The following PEX3 variants were observed in gnomAD, a reference collection of about 807,000 sequenced individuals.
PEX3 encodes the protein peroxin-3.
A neutral mutation model predicts 55.8 loss-of-function variants in PEX3; 30 were observed. The ratio of observed to expected loss-of-function variants is 0.54; its 90% CI spans 0.40 to 0.73. PEX3 has a LOEUF of 0.73. Ranked by LOEUF, PEX3 falls within the 30% of genes least tolerant of loss-of-function variation. The pLI, the probability that PEX3 is intolerant of heterozygous loss-of-function variation, is 0.00. For synonymous variants in PEX3, 135 were observed against 148.4 expected, an observed-to-expected ratio of 0.91 and a Z score of 0.66; for missense variants, 351 against 432.8, an observed-to-expected ratio of 0.81 and a Z score of 1.68.
Position 143,483,515 on chromosome 6 carries a change from T to G in PEX3, c.942-1637T>G, listed in dbSNP as rs1199791440. On this transcript the variant is annotated intron_variant, in intron 10 of 11. Coordinates refer to ENST00000367591, the MANE Select transcript of PEX3 (RefSeq NM_003630.3). The surrounding 1 kb of genome is among the most constrained non-coding windows in gnomAD (Gnocchi z 4.3). ...AAGCCACCTAAGTACATTTTAAGAC[T>G]TATAAAGAGGCTGGCATGGTAGCTG... is the stretch of plus-strand genomic sequence containing the variant. Among the ~76,000 whole-genome samples, 1 of 152,058 alleles carries G rather than the reference T, an allele frequency of 6.6e-6. No individual in the cohort carries two copies. Among genetic ancestry groups the G allele is most frequent in the Non-Finnish European group, 1.5e-5 (1 of 67,992 alleles).
chr6:143,472,747 T>A lies in PEX3; in HGVS notation c.747+419T>A, dbSNP rs928186922. On this transcript the variant is annotated intron_variant, in intron 8 of 11. Coordinates refer to ENST00000367591, the MANE Select transcript of PEX3 (RefSeq NM_003630.3). ...GCTTTATATGCCAAGATAACGAGTC[T>A]GAACTCCAATTTGTAGACAAAGAAA... Among the ~76,000 whole-genome samples, 5 of 152,200 alleles carry A rather than the reference T, an allele frequency of 3.3e-5. No individual in the cohort carries two copies. In the East Asian group the frequency reaches 7.7e-4, roughly 23 times the overall value.
In PEX3 at chr6:143,483,369, A is replaced by C. The variant is rs900405138; in HGVS notation, c.942-1783A>C. ...TAGAAAAATTTAAACAAAAGTAGAC[A>C]GTCAAGCAGTTTTCCTGAGGAAATA... On this transcript the variant is annotated intron_variant, in intron 10 of 11. Coordinates refer to ENST00000367591, the MANE Select transcript of PEX3 (RefSeq NM_003630.3). This position sits in a 1 kb window ranked among gnomAD's most constrained non-coding sequence, Gnocchi z 4.3. Among the ~76,000 whole-genome samples the C allele has an allele frequency of 6.6e-6, 1 of 152,212 alleles. No homozygotes were observed.
chr6:143,472,593 A>T (rs1214234323), intron 8 of PEX3, among the ~76,000 whole-genome samples: 1 of 152,186 alleles, frequency 6.6e-6, no homozygotes, highest in Non-Finnish European at 1.5e-5. Context: ...GGAGATGTAA[A>T]ATGTGTAAGA....
rs965515987 is a variant in PEX3, at chr6:143,479,031, C to T, written c.819-45C>T. On this transcript the variant is annotated intron_variant, in intron 9 of 11. Coordinates refer to ENST00000367591, the MANE Select transcript of PEX3 (RefSeq NM_003630.3). The surrounding 1 kb of genome is among the most constrained non-coding windows in gnomAD (Gnocchi z 4.6). ...GTTATTACTGAATTTGTTTTCTCTT[C>T]CATTCAGAGTCTAAAAAGTAACTTA... 5 of 1,262,872 alleles carry T rather than the reference C, an allele frequency of 4.0e-6. No individual in the cohort carries two copies. The Admixed American group carries it at 5.1e-5, about 13-fold the overall frequency. 78.2% of individuals were successfully genotyped at this position (1,262,872 alleles called of 1,614,324 possible). A position where few individuals can be genotyped will look rare whatever the true frequency, so the allele number is the denominator to read the frequency against.
In PEX3 at chr6:143,459,712, A is replaced by C. The variant is rs1779893718; in HGVS notation, c.205+496A>C. 1.3e-5 allele frequency among the ~76,000 whole-genome samples: 2 copies of C among 152,222 alleles called. No individual in the cohort carries two copies. Among genetic ancestry groups the C allele is most frequent in the Non-Finnish European group, 2.9e-5 (2 of 68,042 alleles). On this transcript the variant is annotated intron_variant, in intron 2 of 11. Coordinates refer to ENST00000367591, the MANE Select transcript of PEX3 (RefSeq NM_003630.3). The surrounding 1 kb of genome is among the most constrained non-coding windows in gnomAD (Gnocchi z 4.2). ...GGAACAAGCTTGGTACTCTCAGGAC[A>C]CAGCAAAAAGGCCATGTAGCTAGAG...
Position 143,453,691 on chromosome 6 carries a change from C to T in PEX3, c.73+2576C>T, listed in dbSNP as rs114035919. On this transcript the variant is annotated intron_variant, in intron 1 of 11. Transcript: ENST00000367591. The surrounding 1 kb of genome is among the most constrained non-coding windows in gnomAD (Gnocchi z 4.6). The stretch of plus-strand genomic sequence containing the variant: ...TTCCTCACTCATGCGATCCTCTCAC[C>T]TCAGCCTCCCAAGTAGCTAGGACCA... Among the ~76,000 whole-genome samples, 1,338 of 152,244 alleles carry T rather than the reference C, an allele frequency of 8.8e-3. 12 individuals carry two copies. The highest frequency in any genetic ancestry group is 0.03 in the African/African-American group (1,240 of 41,532).
chr6:143,471,011 C>G lies in PEX3; in HGVS notation c.382C>G (p.Leu128Val), dbSNP rs1228904839. 6.2e-7 allele frequency: 1 copy of G among 1,612,886 alleles called. No homozygotes were observed. The highest frequency in any genetic ancestry group is 8.5e-7 in the Non-Finnish European group (1 of 1,179,080). The change falls in exon 5 of 12, where the codon CTT becomes GTT. Residue 128 changes from leucine (L) to valine (V), a missense_variant. By Grantham distance (32) the Leu-to-Val change is conservative. Transcript: ENST00000367591. The surrounding 1 kb of genome is among the most constrained non-coding windows in gnomAD (Gnocchi z 5.4). ...AVYSTCMLVVLLRVQLNIIGG... is the reference protein window; with the variant it reads ...AVYSTCMLVVVLRVQLNIIGG... ...ATACAGTACCTGTATGCTGGTTGTT[C>G]TTTTGCGGGTCCAGTTAAACATAAT...
chr6:143,464,473 G>A lies in PEX3; in HGVS notation c.287+1476G>A, dbSNP rs1008463457. On this transcript the variant is annotated intron_variant, in intron 3 of 11. Coordinates refer to ENST00000367591, the MANE Select transcript of PEX3 (RefSeq NM_003630.3). The surrounding 1 kb of genome is among the most constrained non-coding windows in gnomAD (Gnocchi z 5.8). ...TTTAGTGCAATGACAAAAAGTAAAA[G>A]GAAAATTTAGGAGTATCAAAAAAAC... Among the ~76,000 whole-genome samples the A allele has an allele frequency of 6.6e-6, 1 of 151,846 alleles. No individual in the cohort carries two copies. The highest frequency in any genetic ancestry group is 1.5e-5 in the Non-Finnish European group (1 of 67,842).
In PEX3 at chr6:143,459,795, C is replaced by T. The variant is rs965097162; in HGVS notation, c.205+579C>T. 4.6e-5 allele frequency among the ~76,000 whole-genome samples: 7 copies of T among 152,170 alleles called. No individual in the cohort carries two copies. Among genetic ancestry groups the T allele is most frequent in the Non-Finnish European group, 8.8e-5 (6 of 68,030 alleles). On this transcript the variant is annotated intron_variant, in intron 2 of 11. Coordinates refer to ENST00000367591, the MANE Select transcript of PEX3 (RefSeq NM_003630.3). This position sits in a 1 kb window ranked among gnomAD's most constrained non-coding sequence, Gnocchi z 4.2. ...GCTGCAGAAGTAGGCTTGATCCCAT[C>T]GGGCCTGTGGGCCATAGGAAAGAGT...
rs1006559275 is a variant in PEX3 at position 143,483,094 on chromosome 6, G to C, written c.942-2058G>C. Among the ~76,000 whole-genome samples, 6 of 151,970 alleles carry C rather than the reference G, an allele frequency of 3.9e-5. No homozygotes were observed. Among genetic ancestry groups the C allele is most frequent in the Admixed American group, 2.6e-4 (4 of 15,246 alleles). ...TACAGAACTTTTGCACATCAGTTAAGGAAGCAAACACCTAAGGAAAGAAAA... is the reference window on the plus strand; with the variant it reads ...TACAGAACTTTTGCACATCAGTTAACGAAGCAAACACCTAAGGAAAGAAAA... On this transcript the variant is annotated intron_variant, in intron 10 of 11. Coordinates refer to ENST00000367591, the MANE Select transcript of PEX3 (RefSeq NM_003630.3). The surrounding 1 kb of genome is among the most constrained non-coding windows in gnomAD (Gnocchi z 4.3).
At position 143,471,779 on chromosome 6, in the gene PEX3, ATC is replaced by A. The variant is rs1250628465; in HGVS notation, c.578+170_578+171del. On this transcript the variant is annotated intron_variant, in intron 7 of 11. Transcript: ENST00000367591. The surrounding 1 kb of genome is among the most constrained non-coding windows in gnomAD (Gnocchi z 5.4). The stretch of plus-strand genomic sequence containing the variant: ...TTGCATTGTGGGATCCATTTTCTTT[ATC>A]TTTTTTTTTATACAGAGGGGAAAGT... Among the ~76,000 whole-genome samples, 3 of 143,832 alleles carry A rather than the reference ATC, an allele frequency of 2.1e-5. No individual in the cohort carries two copies. The highest frequency in any genetic ancestry group is 3.1e-5 in the Non-Finnish European group (2 of 64,382). 94.4% of individuals were successfully genotyped at this position (143,832 alleles called of 152,430 possible).
chr6:143,456,234 G>A (rs1463666351), intron 1 of PEX3, among the ~76,000 whole-genome samples: 1 of 152,160 alleles, frequency 6.6e-6, no homozygotes, highest in African/African-American at 2.4e-5. Flanking sequence ...CTTGATACCA[G>A]AGCCGTCAAT....
At position 143,488,795 on chromosome 6, in the gene PEX3, G is replaced by T. The variant is rs144458597; in HGVS notation, c.1039-348G>T. On this transcript the variant is annotated intron_variant, in intron 11 of 11. Transcript: ENST00000367591. The surrounding 1 kb of genome is among the most constrained non-coding windows in gnomAD (Gnocchi z 4.9). ...TCTAGAAAGTAATACACCCTTAACC[G>T]TGTTATGTCAGCTTCCAGCAAAAGT... Among the ~76,000 whole-genome samples, 2 of 151,940 alleles carry T rather than the reference G, an allele frequency of 1.3e-5. No homozygotes were observed. Among genetic ancestry groups the T allele is most frequent in the African/African-American group, 2.4e-5 (1 of 41,390 alleles).
chr6:143,486,798 C>T lies in PEX3; in HGVS notation c.1038+1550C>T, dbSNP rs963424334. Among the ~76,000 whole-genome samples the T allele has an allele frequency of 2.0e-5, 3 of 152,134 alleles. No individual in the cohort carries two copies. On this transcript the variant is annotated intron_variant, in intron 11 of 11. Transcript: ENST00000367591. The surrounding 1 kb of genome is among the most constrained non-coding windows in gnomAD (Gnocchi z 5.0). ...AGCCTATGGTGGGAATGCTGTAGAA[C>T]AGGGGTTTGGCAAACTGTACAGGGC...
rs1219955837 is a variant in PEX3 at position 143,456,272 on chromosome 6, A to G, written c.74-2813A>G. Among the ~76,000 whole-genome samples, 5 of 152,322 alleles carry G rather than the reference A, an allele frequency of 3.3e-5. No homozygotes were observed. In the East Asian group the frequency reaches 5.8e-4, roughly 18 times the overall value. ...CTCCTGTTTTCCAGGCTAGGCTGCC[A>G]GTCGAGTATATAGATAGTCATGAGC... On this transcript the variant is annotated intron_variant, in intron 1 of 11. Coordinates refer to ENST00000367591, the MANE Select transcript of PEX3 (RefSeq NM_003630.3).
chr6:143,450,845 G>T lies in PEX3; in HGVS notation c.-198G>T. On this transcript the variant is annotated 5_prime_UTR_variant, in exon 1 of 12. Coordinates refer to ENST00000367591, the MANE Select transcript of PEX3 (RefSeq NM_003630.3). ...CTGCGCGGCGGCAGCGGCAGAAAGC[G>T]TAGCTGCTTTGCTGTAGTCCACGCC... 3 of 756,586 alleles carry T rather than the reference G, an allele frequency of 4.0e-6. No homozygotes were observed. In the East Asian group the frequency reaches 7.6e-5, roughly 19 times the overall value. The allele number at this position is 756,586 out of a possible 1,614,324, so 46.9% of individuals were successfully genotyped here.
rs1183483585 is a variant in PEX3, at chr6:143,451,364, G to T, written c.73+249G>T. 6.6e-6 allele frequency among the ~76,000 whole-genome samples: 1 copy of T among 152,024 alleles called. No individual in the cohort carries two copies. The highest frequency in any genetic ancestry group is 2.4e-5 in the African/African-American group (1 of 41,390). On this transcript the variant is annotated intron_variant, in intron 1 of 11. Coordinates refer to ENST00000367591, the MANE Select transcript of PEX3 (RefSeq NM_003630.3). This position sits in a 1 kb window ranked among gnomAD's most constrained non-coding sequence, Gnocchi z 4.1. ...TTCTCACCTATCCTTTTTTCTCACG[G>T]ACCTTTGGAGAACTCATCACAGTTT...
rs1244305344 is a variant in PEX3 at position 143,475,335 on chromosome 6, C to T, written c.818+479C>T. On this transcript the variant is annotated intron_variant, in intron 9 of 11. Coordinates refer to ENST00000367591, the MANE Select transcript of PEX3 (RefSeq NM_003630.3). This position sits in a 1 kb window ranked among gnomAD's most constrained non-coding sequence, Gnocchi z 4.4. Reference sequence around the variant, plus strand: ...CTCTCAAATCATTTCTTAGATTTTTCTATCTCTGTCTTTCCTTTAAACATC... The same window carrying T: ...CTCTCAAATCATTTCTTAGATTTTTTTATCTCTGTCTTTCCTTTAAACATC... 2.0e-5 allele frequency among the ~76,000 whole-genome samples: 3 copies of T among 152,132 alleles called. No homozygotes were observed. In the South Asian group the frequency reaches 6.2e-4, roughly 31 times the overall value.
intron 3 of PEX3, among the ~76,000 whole-genome samples, chr6:143,467,648 G>T (rs1483765072): frequency 6.6e-6 from 1 of 152,114 alleles, no homozygotes; most frequent in East Asian, 1.9e-4. Context: ...GAGGCAATGT[G>T]AATAGTCTTC....
Sources: gnomAD v4.1 joint callset for allele counts (sites outside exome capture counted in the v4.1 genomes callset) on GRCh38, gnomAD v4.1.1 for gene constraint, Gnocchi (gnomAD v3.1) non-coding constraint, MANE v1.5 for transcripts, NCBI Gene and HGNC (gene_info 2026-07-23, HGNC 2026-07-21) for gene names.